Variants in RBFOX2 observed in about 807,000 individuals in gnomAD.
RBFOX2 encodes the protein RNA binding fox-1 homolog 2.
In RBFOX2, 10 loss-of-function variants were observed where a neutral mutation model predicts 49.1. The ratio of observed to expected loss-of-function variants is 0.20; its 90% CI spans 0.13 to 0.35. The LOEUF (loss-of-function observed/expected upper bound fraction) is 0.35, where lower values mean the gene tolerates loss of function less well. RBFOX2 is among the 10% of genes least tolerant of loss of function. The pLI is 1.00. For missense variants in RBFOX2, 323 were observed against 486.9 expected, an observed-to-expected ratio of 0.66 and a Z score of 3.17; for synonymous variants, 183 against 187.4, an observed-to-expected ratio of 0.98 and a Z score of 0.19.
intron 1 of RBFOX2, among the ~76,000 whole-genome samples, chr22:36,018,520 A>G (rs1050641059): frequency 1.3e-5 from 2 of 152,218 alleles, no homozygotes; most frequent in African/African-American, 4.8e-5. Context: ...CGGAGCTTGA[A>G]AGTTACGCAG....
intron 1 of RBFOX2, among the ~76,000 whole-genome samples, chr22:35,835,686 C>CA (rs1199298439): frequency 6.6e-6 from 1 of 151,164 alleles, no homozygotes; most frequent in Non-Finnish European, 1.5e-5. Flanking sequence ...AGAAGGGGGC[C>CA]AAAAAAGAAA....
chr22:36,028,316 C>A, exon 1 of RBFOX2: 1 of 1,514,438 alleles, frequency 6.6e-7, no homozygotes. Context: ...GGCTCCGTCT[C>A]CTCCCGCTCC....
At chr22:35,869,648 T>C (rs1452764679) in intron 1 of RBFOX2, among the ~76,000 whole-genome samples, 1 of 152,238 alleles carries the variant, frequency 6.6e-6, no homozygotes. Context: ...TTGTTTAAGC[T>C]AATCTGGTTC....
At chr22:35,964,852 A>G (rs1224193730), upstream of RBFOX2, among the ~76,000 whole-genome samples, 1 of 152,232 alleles carries the variant, frequency 6.6e-6, no homozygotes, top group East Asian at 1.9e-4. Context: ...TTACTCGGAA[A>G]TTAAGGCAAA....
intron 2 of RBFOX2, among the ~76,000 whole-genome samples, chr22:35,804,682 A>G (rs1000300189): frequency 3.9e-5 from 6 of 152,154 alleles, no homozygotes; most frequent in African/African-American, 1.2e-4. Flanking sequence ...TCAAAACTGA[A>G]CACATAAAAA....
intron 6 of RBFOX2, 60 bp from the exon 8 acceptor site, chr22:35,761,528 T>C: frequency 6.3e-7 from 1 of 1,580,884 alleles, no homozygotes; most frequent in Non-Finnish European, 8.7e-7. Context: ...GGATGATCAG[T>C]GCATGTCAAG....
intron 1 of RBFOX2, among the ~76,000 whole-genome samples, chr22:35,910,162 T>A (rs2049627988): frequency 6.6e-6 from 1 of 152,214 alleles, no homozygotes; most frequent in Non-Finnish European, 1.5e-5. Context: ...CCTGAAGCCA[T>A]TAATTCATCT....
chr22:35,994,991 T>G (rs2058130806), intron 1 of RBFOX2: 1 of 152,202 alleles, frequency 6.6e-6, no homozygotes. Context: ...AGGATCCTTT[T>G]TATTGTCTTT....
intron 1 of RBFOX2, among the ~76,000 whole-genome samples, chr22:35,982,622 C>T (rs770802618): frequency 8.6e-5 from 13 of 152,020 alleles, no homozygotes; most frequent in Non-Finnish European, 1.5e-4. Context: ...AATGGTTGGA[C>T]GGTAATTTGA....
intron 1 of RBFOX2, among the ~76,000 whole-genome samples, chr22:35,894,967 T>G (rs1330443304): frequency 2.0e-5 from 3 of 146,880 alleles, no homozygotes; most frequent in Non-Finnish European, 4.5e-5. Flanking sequence ...ATCACTTGAG[T>G]TAAAAAATCC....
intron 1 of RBFOX2, among the ~76,000 whole-genome samples, chr22:35,957,372 T>C (rs1346275316): frequency 6.6e-6 from 1 of 152,202 alleles, no homozygotes; most frequent in Non-Finnish European, 1.5e-5. Context: ...TTCTGACTAG[T>C]ACAGGACCAC....
intron 1 of RBFOX2, among the ~76,000 whole-genome samples, chr22:35,869,469 C>CAAAAAAAAAAAAA (rs35854576): frequency 6.5e-5 from 2 of 30,570 alleles, no homozygotes; most frequent in Non-Finnish European, 1.3e-4. Context: ...AACGGCTGAC[C>CAAAAAAAAAAAAA]AAAAAAAAAA....
chr22:35,934,976 C>A (rs2052884316), intron 1 of RBFOX2, among the ~76,000 whole-genome samples: 1 of 152,020 alleles, frequency 6.6e-6, no homozygotes, highest in Non-Finnish European at 1.5e-5. Context: ...GTTCTGTCAC[C>A]CAGGCTGGAG....
chr22:35,929,066 CTA>C (rs1438474452), intron 1 of RBFOX2, among the ~76,000 whole-genome samples: 5 of 152,102 alleles, frequency 3.3e-5, no homozygotes, highest in Admixed American at 1.3e-4. Context: ...CTAAATTGAA[CTA>C]TGATTGCACC....
chr22:35,745,995 A>T, exon 11 of RBFOX2: 1 of 1,612,378 alleles, frequency 6.2e-7, no homozygotes, highest in Non-Finnish European at 8.5e-7. Context: ...CCCTGCCATA[A>T]CTGGAAAGAA....
At position 36,028,345 on chromosome 22, in the gene RBFOX2, C is replaced by A. The variant is rs1364308874; in HGVS notation, c.81G>T (p.Glu27Asp). 2.0e-5 allele frequency: 30 copies of A among 1,464,182 alleles called. No individual in the cohort carries two copies. In the East Asian group the frequency reaches 8.8e-4, roughly 43 times the overall value. The allele number at this position is 1,464,182 out of a possible 1,614,324, so 90.7% of individuals were successfully genotyped here. ...CCGCTCCGGGCACCGGCAGCTCCAG[C>A]TCCGACTCCCGCTTCATGCCCCGGG... The change falls in exon 1 of 14, where the codon GAG (glutamate) becomes GAT (aspartate). Residue 27 changes from glutamate to aspartate, a missense_variant. Physicochemically the swap from Glu to Asp is conservative, Grantham distance 45. Transcript: ENST00000438146.
At chr22:35,846,682 G>T (rs1468259037) in intron 1 of RBFOX2, among the ~76,000 whole-genome samples, 1 of 152,086 alleles carries the variant, frequency 6.6e-6, no homozygotes, top group African/African-American at 2.4e-5. Flanking sequence ...TTGAACCCGG[G>T]AGGCAGACGT....
At chr22:35,802,873 A>G (rs1950033564) in intron 2 of RBFOX2, among the ~76,000 whole-genome samples, 1 of 152,190 alleles carries the variant, frequency 6.6e-6, no homozygotes, top group Non-Finnish European at 1.5e-5. Flanking sequence ...CAACAGAAAG[A>G]AAACCCAAGG....
At chr22:35,848,622 C>T (rs911981976) in intron 1 of RBFOX2, among the ~76,000 whole-genome samples, 1 of 152,164 alleles carries the variant, frequency 6.6e-6, no homozygotes, top group African/African-American at 2.4e-5. Context: ...TTTCTTTTAA[C>T]TCTATGCATT....
Sources: gnomAD v4.1 joint callset for allele counts (sites outside exome capture counted in the v4.1 genomes callset) on GRCh38, gnomAD v4.1.1 for gene constraint, MANE v1.5 for transcripts, NCBI Gene and HGNC (gene_info 2026-07-23, HGNC 2026-07-21) for gene names.